XPOT: variants seen among roughly 807,000 people sequenced by gnomAD.
The protein encoded by XPOT is exportin-T.
In XPOT, 34 loss-of-function variants were observed where a neutral mutation model predicts 128.2. The observed-to-expected ratio is 0.27, with a 90% CI of 0.20 to 0.35. The LOEUF (loss-of-function observed/expected upper bound fraction) is 0.35, where lower values mean the gene tolerates loss of function less well. XPOT is among the 10% of genes least tolerant of loss of function. The probability of loss-of-function intolerance (pLI) is 1.00; values close to 1 mark genes in which losing one functional copy is unlikely to be tolerated. For missense variants in XPOT, 838 were observed against 1,125.3 expected (o/e 0.74, Z 3.65); for synonymous variants, 348 against 394.3 (o/e 0.88, Z 1.39).
chr12:64,410,168 C>T (rs906472669), intron 2 of XPOT, 73 bp downstream of exon 2: 16 of 1,433,384 alleles, frequency 1.1e-5, no homozygotes, highest in African/African-American at 5.6e-5. Flanking sequence ...AATAAAAATG[C>T]ACCTGGCAAA....
In XPOT at chr12:64,425,055, G is replaced by C. The variant is rs749658840; in HGVS notation, c.1325G>C (p.Arg442Pro). ...CTTGGTAGGAATTGGCAGACTACACGGTTTATGGAAGTTGAAGTAGCAATA... is the reference window on the plus strand; with the variant it reads ...CTTGGTAGGAATTGGCAGACTACACCGTTTATGGAAGTTGAAGTAGCAATA... ...SSTLQNWQTT[R>P]FMEVEVAIRL... The change falls in exon 13 of 25, where the codon CGG (arginine) becomes CCG (proline). Residue 442 changes from arginine to proline, a missense_variant. By Grantham distance (103) the Arg-to-Pro change is moderately radical. Coordinates refer to ENST00000332707, the MANE Select transcript of XPOT (RefSeq NM_007235.6). 6.2e-7 allele frequency: 1 copy of C among 1,612,506 alleles called. No homozygotes were observed. The highest frequency in any genetic ancestry group is 8.5e-7 in the Non-Finnish European group (1 of 1,179,984).
At chr12:64,416,828 A>G in intron 4 of XPOT, 74 bp downstream of exon 4, 2 of 1,300,842 alleles carry the variant, frequency 1.5e-6, no homozygotes, top group Middle Eastern at 2.1e-4. Context: ...TTTTTCTTCC[A>G]TAAGGAAACC....
chr12:64,441,716 G>C (rs956775911), intron 23 of XPOT, among the ~76,000 whole-genome samples: 10 of 151,906 alleles, frequency 6.6e-5, no homozygotes, highest in Non-Finnish European at 1.3e-4. Flanking sequence ...ATGGAGTCTC[G>C]CTTTAGTGCC....
chr12:64,423,136 A>G (rs747926952), intron 10 of XPOT, 46 bp from the exon 11 acceptor site: 17 of 1,589,440 alleles, frequency 1.1e-5, no homozygotes, highest in Middle Eastern at 3.3e-4. Flanking sequence ...ATATCAAATT[A>G]GAAGGAGACT....
intron 19 of XPOT, 68 bp downstream of exon 19, chr12:64,433,671 A>T: frequency 1.4e-6 from 2 of 1,391,590 alleles, no homozygotes; most frequent in Non-Finnish European, 1.9e-6. Flanking sequence ...CTATATGACC[A>T]AGAGCAAACT....
intron 22 of XPOT, among the ~76,000 whole-genome samples, chr12:64,437,589 T>C (rs914749057): frequency 6.6e-6 from 1 of 152,120 alleles, no homozygotes; most frequent in Admixed American, 6.6e-5. Flanking sequence ...AAGATGAGAC[T>C]AGATAAAAGC....
chr12:64,426,024 A>G, intron 15 of XPOT, 115 bp downstream of exon 15: 1 of 959,400 alleles, frequency 1.0e-6, no homozygotes. Context: ...TGGATTAGAT[A>G]AAGAAAATGT....
intron 2 of XPOT, among the ~76,000 whole-genome samples, chr12:64,412,228 T>C (rs776222269): frequency 1.3e-5 from 2 of 152,032 alleles, no homozygotes; most frequent in Non-Finnish European, 2.9e-5. Flanking sequence ...GGTTTCACCA[T>C]GTTGGTCAGG....
chr12:64,439,193 G>A, intron 22 of XPOT, 51 bp from the exon 23 acceptor site: 2 of 1,533,854 alleles, frequency 1.3e-6, no homozygotes, highest in Non-Finnish European at 1.8e-6. Context: ...TTCTTTTTAA[G>A]CTTATTAATG....
Position 64,439,266 on chromosome 12 carries a change from T to C in XPOT, c.2756T>C (p.Leu919Pro). The change falls in exon 23 of 25, where the codon CTT becomes CCT. Residue 919 changes from leucine to proline, a missense_variant. Physicochemically the swap from Leu to Pro is moderately conservative, Grantham distance 98 (BLOSUM62 -3). Transcript: ENST00000332707. ...CAGGGCCCAGAATGTGTTCAGTATC[T>C]TCAACAAGAATACCTGCCCTCCTTG... Reference protein sequence around the residue: ...LKRGPECVQYLQQEYLPSLQV... With the variant: ...LKRGPECVQYPQQEYLPSLQV... The C allele has an allele frequency of 1.2e-6, 2 of 1,614,114 alleles. No individual in the cohort carries two copies. The highest frequency in any genetic ancestry group is 1.7e-6 in the Non-Finnish European group (2 of 1,179,968).
chr12:64,426,188 T>TC (rs1157262927), intron 15 of XPOT, among the ~76,000 whole-genome samples: 2 of 150,424 alleles, frequency 1.3e-5, no homozygotes, highest in Admixed American at 1.3e-4. Context: ...GTTCCTGTAA[T>TC]CCCACCTACT....
intron 16 of XPOT, 124 bp downstream of exon 16, chr12:64,428,244 A>T: frequency 4.8e-6 from 3 of 624,986 alleles, no homozygotes; most frequent in African/African-American, 1.8e-5. Flanking sequence ...ATGTGCAAAG[A>T]TTAGTTCTAT....
At position 64,430,471 on chromosome 12, in the gene XPOT, C is replaced by A. The variant is rs138091550; in HGVS notation, c.1976+184C>A. Among the ~76,000 whole-genome samples the A allele has an allele frequency of 2.7e-3, 409 of 152,338 alleles. 3 individuals are homozygous for A. Among genetic ancestry groups the A allele is most frequent in the South Asian group, 0.026 (124 of 4,828 alleles). ...AAGGGGATAGGTTACATACCATTTACATTTTTGCCTTGACAACTGTAAATC... is the reference window on the plus strand; with the variant it reads ...AAGGGGATAGGTTACATACCATTTAAATTTTTGCCTTGACAACTGTAAATC... On this transcript the variant is annotated intron_variant, in intron 17 of 24. Coordinates refer to ENST00000332707, the MANE Select transcript of XPOT (RefSeq NM_007235.6).
intron 9 of XPOT, 97 bp from the exon 10 acceptor site, chr12:64,422,908 A>G: frequency 7.5e-7 from 1 of 1,332,320 alleles, no homozygotes; most frequent in Non-Finnish European, 1.0e-6. Context: ...GTCTCAAAAA[A>G]AAAAAAAAAA....
At chr12:64,442,880 C>A in intron 23 of XPOT, 1 of 155,892 alleles carries the variant, frequency 6.4e-6, no homozygotes, top group Admixed American at 6.5e-5. Flanking sequence ...TAGTCTTGCT[C>A]TGTCACCCAG....
intron 1 of XPOT, among the ~76,000 whole-genome samples, chr12:64,408,512 C>T (rs532802920): frequency 2.0e-4 from 31 of 152,246 alleles, no homozygotes; most frequent in Admixed American, 1.9e-3. Context: ...TCCATGTTTG[C>T]TCAAATGAAT....
intron 15 of XPOT, among the ~76,000 whole-genome samples, chr12:64,427,741 G>A (rs537831532): frequency 2.6e-5 from 4 of 151,914 alleles, no homozygotes; most frequent in Non-Finnish European, 5.9e-5. Context: ...TTCCCACCTC[G>A]GCCTCCCAAC....
chr12:64,445,754 C>T (rs527279985), intron 24 of XPOT, among the ~76,000 whole-genome samples: 1 of 152,280 alleles, frequency 6.6e-6, no homozygotes, highest in East Asian at 1.9e-4. Context: ...TTTCCCTCCC[C>T]ATAAGGAGCT....
chr12:64,413,444 A>G (rs1360214156), intron 2 of XPOT, among the ~76,000 whole-genome samples: 1 of 152,164 alleles, frequency 6.6e-6, no homozygotes, highest in Non-Finnish European at 1.5e-5. Context: ...ATAAATAACA[A>G]AAGACGGTCC....
Sources: gnomAD v4.1 joint callset for allele counts (sites outside exome capture counted in the v4.1 genomes callset) on GRCh38, gnomAD v4.1.1 for gene constraint, MANE v1.5 for transcripts, NCBI Gene and HGNC (gene_info 2026-07-23, HGNC 2026-07-21) for gene names.